Variants in CFAP45 observed in about 807,000 individuals in gnomAD.
CFAP45 encodes the protein cilia- and flagella-associated protein 45.
A neutral mutation model predicts 75.6 loss-of-function variants in CFAP45; 43 were observed. The ratio of observed to expected loss-of-function variants is 0.57; its 90% confidence interval spans 0.45 to 0.73. The LOEUF (loss-of-function observed/expected upper bound fraction) is 0.73. CFAP45 is among the 30% of genes least tolerant of loss of function. The pLI is 0.00. For synonymous variants in CFAP45, 223 were observed against 244.6 expected (o/e 0.91, Z 0.82); for missense variants, 689 against 701.5 (o/e 0.98, Z 0.20).
chr1:159,899,657 CGG>C (rs1376395849), intron 1 of CFAP45, among the ~76,000 whole-genome samples: 1 of 151,580 alleles, frequency 6.6e-6, no homozygotes, highest in African/African-American at 2.4e-5. Context: ...TTAGTAGAGG[CGG>C]GGTTTCACTG....
chr1:159,875,659 T>A (rs1649382845), intron 10 of CFAP45, among the ~76,000 whole-genome samples: 1 of 152,228 alleles, frequency 6.6e-6, no homozygotes, highest in Non-Finnish European at 1.5e-5. Flanking sequence ...TAATTTTGTA[T>A]CCCTTCAATT....
At chr1:159,893,042 T>C (rs1018450291) in intron 2 of CFAP45, 138 bp downstream of exon 2, 3 of 909,662 alleles carry the variant, frequency 3.3e-6, no homozygotes, top group Admixed American at 4.5e-5. Flanking sequence ...GCAGCTCAGG[T>C]CTCAGAATTC....
chr1:159,890,514 G>A lies in CFAP45; in HGVS notation c.238C>T (p.Gln80Ter), dbSNP rs1649799431. 6.2e-7 allele frequency: 1 copy of A among 1,614,002 alleles called. No individual in the cohort carries two copies. The highest frequency in any genetic ancestry group is 8.5e-7 in the Non-Finnish European group (1 of 1,180,024). ...CGGACCATGTCCCGGGTGATGAGCT[G>A]GATGGTCTCTGGCTTGCGATCCAAG... ...LGLDRKPETI[Q>*]LITRDMVREL... Residue 80 changes from glutamine to a stop codon, truncating the protein, a stop_gained, in exon 3 of 12, where the codon CAG becomes TAG. Transcript: ENST00000368099. LOFTEE classifies it high-confidence loss of function.
At chr1:159,887,204 C>T (rs536174841) in intron 5 of CFAP45, among the ~76,000 whole-genome samples, 21 of 152,210 alleles carry the variant, frequency 1.4e-4, no homozygotes, top group Admixed American at 3.9e-4. Context: ...TGAAAAACCA[C>T]GGGCCCATGA....
chr1:159,876,452 C>T (rs777441356), intron 10 of CFAP45, 104 bp downstream of exon 10: 1 of 823,242 alleles, frequency 1.2e-6, no homozygotes, highest in South Asian at 1.5e-5. Context: ...CAGACAAGAT[C>T]GACGAGCATC....
intron 10 of CFAP45, 140 bp from the exon 11 acceptor site, chr1:159,873,308 G>C: frequency 1.5e-6 from 1 of 669,832 alleles, no homozygotes; most frequent in East Asian, 2.7e-5. Context: ...GCCCCATTTT[G>C]TAACTCAAGG....
chr1:159,879,227 T>A (rs1649490113), intron 8 of CFAP45, among the ~76,000 whole-genome samples: 1 of 152,202 alleles, frequency 6.6e-6, no homozygotes, highest in Non-Finnish European at 1.5e-5. Context: ...TAGCTCTCTG[T>A]CATCTCACCA....
intron 10 of CFAP45, among the ~76,000 whole-genome samples, chr1:159,875,355 T>C (rs1649374549): frequency 6.6e-6 from 1 of 152,080 alleles, no homozygotes; most frequent in African/African-American, 2.4e-5. Flanking sequence ...GCTACTTTCT[T>C]CACTAGGTGT....
chr1:159,894,467 G>A (rs1028479884), intron 1 of CFAP45, among the ~76,000 whole-genome samples: 3 of 152,184 alleles, frequency 2.0e-5, no homozygotes, highest in Non-Finnish European at 4.4e-5. Context: ...AGGATATAAA[G>A]GATGGAAAAG....
Position 159,872,564 on chromosome 1 carries a change from C to T in CFAP45, c.1578-1G>A. The T allele has an allele frequency of 6.2e-7, 1 of 1,613,958 alleles. No individual in the cohort carries two copies. The highest frequency in any genetic ancestry group is 1.7e-5 in the Admixed American group (1 of 60,032). On this transcript the variant is annotated splice_acceptor_variant, in intron 11 of 11. Transcript: ENST00000368099. LOFTEE classifies it high-confidence loss of function. ...GTACTTCTCGGGAAGGCCAGTGGCT[C>T]TGCCGGGGAAACGCAGGCAGGTATA...
At chr1:159,881,624 A>G (rs1208377863) in intron 7 of CFAP45, among the ~76,000 whole-genome samples, 1 of 152,262 alleles carries the variant, frequency 6.6e-6, no homozygotes, top group African/African-American at 2.4e-5. Context: ...CCAAAGTGAG[A>G]GGCATGTGAG....
At position 159,886,685 on chromosome 1, in the gene CFAP45, A is replaced by G; in HGVS notation, c.593T>C (p.Ile198Thr). Reference sequence around the variant, plus strand: ...GATGGCATGGCACTTAGCATTGAGGATAATCTGGAGAGTGGAGATTAAACT... The same window carrying G: ...GATGGCATGGCACTTAGCATTGAGGGTAATCTGGAGAGTGGAGATTAAACT... ...EEELKDMSKI[I>T]LNAKCHAIRD... Residue 198 changes from isoleucine (I) to threonine (T), a missense_variant, in exon 6 of 12, where the codon ATC becomes ACC. Ile to Thr is a moderately conservative substitution (Grantham distance 89). Transcript: ENST00000368099. 6.2e-7 allele frequency: 1 copy of G among 1,613,822 alleles called. No individual in the cohort carries two copies. Among genetic ancestry groups the G allele is most frequent in the South Asian group, 1.1e-5 (1 of 91,076 alleles).
rs183125379 is a variant in CFAP45 at position 159,885,230 on chromosome 1, G to A, written c.768-665C>T. Among the ~76,000 whole-genome samples, 20 of 152,328 alleles carry A rather than the reference G, an allele frequency of 1.3e-4. No homozygotes were observed. The East Asian group carries it at 3.3e-3, about 25-fold the overall frequency. On this transcript the variant is annotated intron_variant, in intron 6 of 11. Transcript: ENST00000368099. ...GAAAACAAGTTTGGGCTCAATACAA[G>A]GACCAGCTCAAATCATTACAGTTGC...
chr1:159,872,681 C>T, intron 11 of CFAP45, 118 bp from the exon 12 acceptor site: 1 of 916,318 alleles, frequency 1.1e-6, no homozygotes, highest in Non-Finnish European at 1.7e-6. Context: ...CAACCCTGCT[C>T]TCACAATCCA....
intron 7 of CFAP45, among the ~76,000 whole-genome samples, chr1:159,884,131 T>C (rs1208319876): frequency 6.6e-6 from 1 of 152,190 alleles, no homozygotes; most frequent in Admixed American, 6.5e-5. Flanking sequence ...AACATCCCTA[T>C]GTTTACTTGT....
At chr1:159,899,791 A>G (rs1650031916) in intron 1 of CFAP45, among the ~76,000 whole-genome samples, 1 of 151,960 alleles carries the variant, frequency 6.6e-6, no homozygotes, top group Non-Finnish European at 1.5e-5. Context: ...CCCACACCAC[A>G]TCCACAATCT....
chr1:159,877,395 C>G lies in CFAP45; in HGVS notation c.1112G>C (p.Arg371Pro). ...GGCCTTCTCCTGCATGGCCCTCAAG[C>G]GTGCGATCTCCTTCTCTTTCTCCCT... ...IRREKEKEIA[R>P]LRAMQEKAQD... is the part of the protein sequence containing the mutation. Residue 371 changes from arginine (R) to proline (P), a missense_variant, in exon 9 of 12, where the codon CGC becomes CCC. Coordinates refer to ENST00000368099, the MANE Select transcript of CFAP45 (RefSeq NM_012337.3). The G allele has an allele frequency of 4.3e-6, 7 of 1,614,090 alleles. No homozygotes were observed. The highest frequency in any genetic ancestry group is 5.9e-6 in the Non-Finnish European group (7 of 1,179,950).
rs1383345098 is a variant in CFAP45 at position 159,878,766 on chromosome 1, A to AAAAC, written c.1045-1305_1045-1304insGTTT. On this transcript the variant is annotated intron_variant, in intron 8 of 11. Transcript: ENST00000368099. ...CAAGACTACATCTAAAAAAAAAAAA[A>AAAAC]AAAAAAAAAAAAAAAACCTTCCTTG... Among the ~76,000 whole-genome samples, 36 of 137,034 alleles carry AAAAC rather than the reference A, an allele frequency of 2.6e-4. 1 individual carries two copies. The highest frequency in any genetic ancestry group is 9.4e-4 in the African/African-American group (35 of 37,356). 89.9% of individuals were successfully genotyped at this position (137,034 alleles called of 152,430 possible).
At chr1:159,873,941 T>C (rs1256482867) in intron 10 of CFAP45, among the ~76,000 whole-genome samples, 2 of 151,474 alleles carry the variant, frequency 1.3e-5, no homozygotes, top group African/African-American at 2.4e-5. Flanking sequence ...GCATAAAGTG[T>C]CATGCTAGCT....
Sources: gnomAD v4.1 joint callset for allele counts (sites outside exome capture counted in the v4.1 genomes callset) on GRCh38, gnomAD v4.1.1 for gene constraint, MANE v1.5 for transcripts, NCBI Gene and HGNC (gene_info 2026-07-23, HGNC 2026-07-21) for gene names.